The following CDK13 variants were observed in gnomAD, a reference collection of about 807,000 sequenced individuals.
CDK13 encodes the protein cyclin-dependent kinase 13.
A neutral mutation model predicts 137.6 loss-of-function variants in CDK13; 40 were observed. The observed-to-expected ratio is 0.29, with a 90% CI of 0.23 to 0.38. The LOEUF (loss-of-function observed/expected upper bound fraction) is 0.38, where lower values mean the gene tolerates loss of function less well. Ranked by LOEUF, CDK13 falls within the 10% of genes least tolerant of loss-of-function variation. The pLI is 1.00. For synonymous variants in CDK13, 869 were observed against 760.1 expected (o/e 1.14, Z -2.36); for missense variants, 1,704 against 1,951.8 (o/e 0.87, Z 2.39).
At position 40,093,070 on chromosome 7, in the gene CDK13, C is replaced by T. The variant is rs1786963092; in HGVS notation, c.3521C>T (p.Ala1174Val). ...QTIQPKVETD[A>V]AQAAVQSAFA... ...ATCCAGCCTAAAGTGGAGACTGATG[C>T]TGCCCAGGCGGCTGTGCAGAGTGCA... is the stretch of plus-strand genomic sequence containing the variant. Residue 1174 changes from alanine (A) to valine (V), a missense_variant, in exon 13 of 14, where the codon GCT (alanine) becomes GTT (valine). Ala to Val is a moderately conservative substitution (Grantham distance 64, BLOSUM62 0). Around this residue, in one of 5 missense-constraint regions of CDK13, gnomAD observed 475 missense variants for 579.3 expected, o/e 0.82. Coordinates refer to ENST00000181839, the MANE Select transcript of CDK13 (RefSeq NM_003718.5). 1 of 1,614,214 alleles carries T rather than the reference C, an allele frequency of 6.2e-7. No homozygotes were observed. Among genetic ancestry groups the T allele is most frequent in the South Asian group, 1.1e-5 (1 of 91,084 alleles).
At chr7:39,957,604 A>G (rs1243770131) in intron 1 of CDK13, among the ~76,000 whole-genome samples, 1 of 152,140 alleles carries the variant, frequency 6.6e-6, no homozygotes, top group Non-Finnish European at 1.5e-5. Context: ...ATAAGGAGGG[A>G]ATTTAAGAAC....
At chr7:39,961,634 C>CTTT (rs35062975) in intron 1 of CDK13, among the ~76,000 whole-genome samples, 1 of 147,308 alleles carries the variant, frequency 6.8e-6, no homozygotes, top group East Asian at 2.0e-4. Context: ...TAATTTACTT[C>CTTT]TTTTTTTTTT....
chr7:40,088,497 A>G (rs1786841337), intron 12 of CDK13, among the ~76,000 whole-genome samples, 166 bp downstream of exon 12: 1 of 152,214 alleles, frequency 6.6e-6, no homozygotes, highest in African/African-American at 2.4e-5. Flanking sequence ...TGCTATTGGC[A>G]CCACAATTTT....
rs1167222765 is a variant in CDK13 at position 39,951,268 on chromosome 7, C to T, written c.627C>T (p.Ser209=). The T allele has an allele frequency of 1.1e-5, 15 of 1,343,334 alleles. No homozygotes were observed. The highest frequency in any genetic ancestry group is 5.6e-5 in the South Asian group (3 of 53,176). 83.2% of individuals were successfully genotyped at this position (1,343,334 alleles called of 1,614,324 possible). A position where few individuals can be genotyped will look rare whatever the true frequency, so the allele number is the denominator to read the frequency against. Residue 209 remains serine, a synonymous_variant, in exon 1 of 14, where the codon AGC becomes AGT. Coordinates refer to ENST00000181839, the MANE Select transcript of CDK13 (RefSeq NM_003718.5). ...RRDRRSSSGR[S]KERHREHRRR... ...ACCGCCGCAGCAGCAGTGGCCGCAG[C>T]AAGGAGCGCCACCGCGAGCACCGGC...
rs560332502 is a variant in CDK13, at chr7:40,078,586, A to G, written c.2898-134A>G. The stretch of plus-strand genomic sequence containing the variant: ...AAGTAAAGTATTATGCACATATTAA[A>G]AAAGTATTTACAATTATTTTTAAAT... On this transcript the variant is annotated intron_variant, in intron 10 of 13. Transcript: ENST00000181839. 8.5e-5 allele frequency: 34 copies of G among 400,306 alleles called. No individual in the cohort carries two copies. The East Asian group carries it at 1.5e-3, about 18-fold the overall frequency. 24.8% of individuals were successfully genotyped at this position (400,306 alleles called of 1,614,324 possible).
intron 6 of CDK13, among the ~76,000 whole-genome samples, chr7:40,047,575 GTAATTATAA>G (rs1785776573): frequency 6.6e-6 from 1 of 151,720 alleles, no homozygotes; most frequent in Admixed American, 6.6e-5. Context: ...TTATAATACA[GTAATTATAA>G]TAATCATATT....
At chr7:39,966,405 T>C (rs1347571693) in intron 1 of CDK13, among the ~76,000 whole-genome samples, 1 of 152,256 alleles carries the variant, frequency 6.6e-6, no homozygotes, top group African/African-American at 2.4e-5. Context: ...TCGAATCAGC[T>C]ACTGAGGCTT....
intron 7 of CDK13, among the ~76,000 whole-genome samples, chr7:40,055,504 C>G (rs969319353): frequency 1.3e-5 from 2 of 150,714 alleles, no homozygotes; most frequent in Non-Finnish European, 2.9e-5. Context: ...AAGATCATCT[C>G]TACGATGTTG....
chr7:40,026,469 C>T (rs1172315042), intron 5 of CDK13, among the ~76,000 whole-genome samples: 1 of 152,186 alleles, frequency 6.6e-6, no homozygotes, highest in Non-Finnish European at 1.5e-5. Context: ...GCTGCGATTG[C>T]AGCACTGCAC....
intron 7 of CDK13, among the ~76,000 whole-genome samples, chr7:40,057,269 T>A (rs1020580261): frequency 2.6e-5 from 4 of 151,676 alleles, no homozygotes; most frequent in Non-Finnish European, 4.4e-5. Flanking sequence ...AAAAAAAAAA[T>A]TTTGAGCAGT....
At chr7:40,064,719 C>A (rs1300048615) in intron 9 of CDK13, among the ~76,000 whole-genome samples, 9 of 150,606 alleles carry the variant, frequency 6.0e-5, no homozygotes. Flanking sequence ...CTTTTAATAA[C>A]ATTATGAAAA....
chr7:40,018,627 C>G (rs1296047003), intron 5 of CDK13, among the ~76,000 whole-genome samples: 1 of 152,046 alleles, frequency 6.6e-6, no homozygotes, highest in African/African-American at 2.4e-5. Context: ...GAACTGGAGG[C>G]CATTATTCTA....
intron 12 of CDK13, among the ~76,000 whole-genome samples, 198 bp downstream of exon 12, chr7:40,088,529 T>A (rs945216464): frequency 6.6e-6 from 1 of 152,226 alleles, no homozygotes; most frequent in African/African-American, 2.4e-5. Context: ...AGGTAACTTA[T>A]AAAGAAGCAT....
Position 40,078,435 on chromosome 7 carries a change from C to G in CDK13, c.2898-285C>G, listed in dbSNP as rs17496648. ...TTGCTTTAGAAAAAACTATACTGTT[C>G]AGTTCTTAATTTGTATAATAACAGC... On this transcript the variant is annotated intron_variant, in intron 10 of 13. Transcript: ENST00000181839. The G allele has an allele frequency of 2.8e-3, 794 of 281,158 alleles. 8 individuals are homozygous for G. Among genetic ancestry groups the G allele is most frequent in the African/African-American group, 0.016 (729 of 45,840 alleles). The allele number at this position is 281,158 out of a possible 1,614,324, so 17.4% of individuals were successfully genotyped here.
intron 1 of CDK13, among the ~76,000 whole-genome samples, chr7:39,983,699 G>A (rs1251448224): frequency 6.6e-6 from 1 of 152,126 alleles, no homozygotes; most frequent in Non-Finnish European, 1.5e-5. Flanking sequence ...CTACTCATCA[G>A]TATCTGATCA....
At position 39,950,350 on chromosome 7, in the gene CDK13, A is replaced by T; in HGVS notation, c.-292A>T. On this transcript the variant is annotated 5_prime_UTR_variant, in exon 1 of 14. Coordinates refer to ENST00000181839, the MANE Select transcript of CDK13 (RefSeq NM_003718.5). ...AGGACTCGGGACTCCCCCGCAGGTC[A>T]GCGCCCGGCGCATCTGGTGTTTTCG... 1 of 1,174,722 alleles carries T rather than the reference A, an allele frequency of 8.5e-7. No homozygotes were observed. The highest frequency in any genetic ancestry group is 1.1e-6 in the Non-Finnish European group (1 of 951,928). 72.8% of individuals were successfully genotyped at this position (1,174,722 alleles called of 1,614,324 possible).
chr7:40,042,058 G>A (rs1317542127), intron 5 of CDK13, among the ~76,000 whole-genome samples: 2 of 152,046 alleles, frequency 1.3e-5, no homozygotes, highest in African/African-American at 2.4e-5. Flanking sequence ...CTTATTTTCT[G>A]TTGTGGGATT....
intron 7 of CDK13, chr7:40,061,981 C>A (rs373922220): frequency 6.7e-4 from 102 of 152,180 alleles, no homozygotes; most frequent in Middle Eastern, 3.4e-3. Flanking sequence ...GCAGAGTAGA[C>A]CTCAAGTAGA....
intron 5 of CDK13, among the ~76,000 whole-genome samples, chr7:40,023,916 A>T (rs998838584): frequency 2.6e-5 from 4 of 152,186 alleles, no homozygotes; most frequent in Non-Finnish European, 4.4e-5. Flanking sequence ...ATTTGTCCTT[A>T]GTCAGCTCTG....
Sources: allele counts gnomAD v4.1 joint callset (sites outside exome capture counted in the v4.1 genomes callset), GRCh38; gene constraint gnomAD v4.1.1; regional missense constraint gnomAD v4.1.1; transcripts MANE v1.5; gene names NCBI Gene and HGNC (gene_info 2026-07-23, HGNC 2026-07-21).